ADGRB3: variants seen among roughly 807,000 people sequenced by gnomAD.
The protein encoded by ADGRB3 is adhesion G protein-coupled receptor B3.
ADGRB3 carries 37 observed loss-of-function variants against 193.4 expected under a neutral mutation model. The observed-to-expected ratio is 0.19, with a 90% CI of 0.15 to 0.25. The LOEUF (loss-of-function observed/expected upper bound fraction) is 0.25, where lower values mean the gene tolerates loss of function less well. Ranked by LOEUF, ADGRB3 falls within the 10% of genes least tolerant of loss-of-function variation. The pLI is 1.00. For synonymous variants in ADGRB3, 690 were observed against 644.2 expected, an observed-to-expected ratio of 1.07 and a Z score of -1.08; for missense variants, 1,637 against 1,852.9, an observed-to-expected ratio of 0.88 and a Z score of 2.14.
intron 17 of ADGRB3, among the ~76,000 whole-genome samples, chr6:69,215,866 C>A (rs541464289): frequency 2.0e-5 from 3 of 152,178 alleles, no homozygotes; most frequent in Non-Finnish European, 4.4e-5. Context: ...ATTTCTTAGG[C>A]CCTAATAATC....
intron 3 of ADGRB3, among the ~76,000 whole-genome samples, chr6:68,838,309 C>T (rs1294369368): frequency 1.3e-5 from 2 of 152,126 alleles, no homozygotes; most frequent in Admixed American, 6.6e-5. Context: ...GACTGTCCTC[C>T]CTTTGTAGCT....
chr6:68,919,293 C>T (rs1458736971), intron 3 of ADGRB3, among the ~76,000 whole-genome samples: 2 of 152,014 alleles, frequency 1.3e-5, no homozygotes, highest in Non-Finnish European at 2.9e-5. Context: ...TTTATTTATT[C>T]ATCAAATATT....
chr6:69,108,330 C>G (rs1363657292), intron 17 of ADGRB3, among the ~76,000 whole-genome samples: 1 of 150,930 alleles, frequency 6.6e-6, no homozygotes, highest in African/African-American at 2.4e-5. Context: ...GATATGGAAT[C>G]AAATAAACTT....
At chr6:68,647,595 C>G (rs1768247169) in intron 3 of ADGRB3, among the ~76,000 whole-genome samples, 1 of 152,120 alleles carries the variant, frequency 6.6e-6, no homozygotes, top group Non-Finnish European at 1.5e-5. Context: ...GGTAACATCT[C>G]AATACCTTTG....
intron 22 of ADGRB3, among the ~76,000 whole-genome samples, chr6:69,328,415 T>C (rs1000432043): frequency 1.3e-5 from 2 of 152,160 alleles, no homozygotes; most frequent in Non-Finnish European, 1.5e-5. Flanking sequence ...GTATATGATA[T>C]CAGCTTATTT....
At chr6:69,007,691 T>TCA (rs1459915971) in intron 11 of ADGRB3, among the ~76,000 whole-genome samples, 16 of 73,330 alleles carry the variant, frequency 2.2e-4, no homozygotes, top group African/African-American at 7.4e-4. Flanking sequence ...TCTCTCTCTC[T>TCA]CTCACACACA....
At chr6:68,909,384 T>C (rs539722049) in intron 3 of ADGRB3, among the ~76,000 whole-genome samples, 7 of 152,322 alleles carry the variant, frequency 4.6e-5, no homozygotes, top group African/African-American at 1.7e-4. Context: ...CATACTTAAT[T>C]TTCAATCTGA....
chr6:69,177,492 G>A (rs1232275373), intron 17 of ADGRB3, among the ~76,000 whole-genome samples: 1 of 152,086 alleles, frequency 6.6e-6, no homozygotes, highest in Non-Finnish European at 1.5e-5. Context: ...AAGTAGCAGG[G>A]ACTACAGGTG....
intron 3 of ADGRB3, among the ~76,000 whole-genome samples, chr6:68,828,343 C>CA (rs1488053812): frequency 6.6e-6 from 1 of 152,120 alleles, no homozygotes; most frequent in Non-Finnish European, 1.5e-5. Context: ...TGTTCTAGCA[C>CA]ATTTTCCAAA....
At chr6:68,641,915 T>C (rs1443546223) in intron 3 of ADGRB3, among the ~76,000 whole-genome samples, 1 of 152,074 alleles carries the variant, frequency 6.6e-6, no homozygotes, top group Non-Finnish European at 1.5e-5. Flanking sequence ...AACTACCATA[T>C]AATGACATAG....
chr6:69,116,088 C>T (rs758826323), intron 17 of ADGRB3, among the ~76,000 whole-genome samples: 16 of 152,176 alleles, frequency 1.1e-4, no homozygotes, highest in Non-Finnish European at 1.8e-4. Context: ...ACTGGTACCT[C>T]GGATAGGATT....
intron 3 of ADGRB3, among the ~76,000 whole-genome samples, chr6:68,899,928 C>T (rs1245907865): frequency 2.0e-5 from 3 of 151,808 alleles, no homozygotes; most frequent in Non-Finnish European, 2.9e-5. Context: ...TAAAATCAGG[C>T]GTTCAGTAGC....
intron 11 of ADGRB3, among the ~76,000 whole-genome samples, chr6:69,005,828 T>A (rs1769732514): frequency 6.6e-6 from 1 of 152,160 alleles, no homozygotes; most frequent in African/African-American, 2.4e-5. Flanking sequence ...TCTTCCAGTT[T>A]TCCAGTGGCT....
intron 3 of ADGRB3, among the ~76,000 whole-genome samples, chr6:68,820,187 T>C (rs1016931912): frequency 6.6e-6 from 1 of 152,008 alleles, no homozygotes; most frequent in African/African-American, 2.4e-5. Flanking sequence ...TATACATATC[T>C]CACTGCACTT....
intron 6 of ADGRB3, among the ~76,000 whole-genome samples, chr6:68,954,201 A>T (rs1267109121): frequency 6.6e-6 from 1 of 152,136 alleles, no homozygotes; most frequent in Non-Finnish European, 1.5e-5. Flanking sequence ...TCATGTTAAG[A>T]TGGTATTGTC....
intron 11 of ADGRB3, among the ~76,000 whole-genome samples, chr6:69,010,865 G>A (rs755428452): frequency 4.6e-5 from 7 of 151,612 alleles, no homozygotes; most frequent in Non-Finnish European, 1.0e-4. Flanking sequence ...TTTAGGGATT[G>A]ACATAAGTGA....
At chr6:68,983,472 G>GTA (rs942313758) in intron 10 of ADGRB3, among the ~76,000 whole-genome samples, 9 of 148,642 alleles carry the variant, frequency 6.1e-5, no homozygotes, top group African/African-American at 2.0e-4. Flanking sequence ...CATATATATA[G>GTA]TATATATATA....
chr6:69,200,475 C>T (rs1032955408), intron 17 of ADGRB3, among the ~76,000 whole-genome samples: 2 of 152,008 alleles, frequency 1.3e-5, no homozygotes, highest in African/African-American at 4.8e-5. Context: ...GGAGCAAAGG[C>T]CTGAGAACAT....
At chr6:68,649,605 G>T (rs1047596530) in intron 3 of ADGRB3, among the ~76,000 whole-genome samples, 1 of 152,126 alleles carries the variant, frequency 6.6e-6, no homozygotes, top group Non-Finnish European at 1.5e-5. Context: ...TAAATTTAAA[G>T]AGCATGTATT....
Sources: gnomAD v4.1 joint callset for allele counts (sites outside exome capture counted in the v4.1 genomes callset) on GRCh38, gnomAD v4.1.1 for gene constraint, MANE v1.5 for transcripts, NCBI Gene and HGNC (gene_info 2026-07-23, HGNC 2026-07-21) for gene names.